TBX15: variants seen among roughly 807,000 people sequenced by gnomAD.
TBX15 encodes the protein T-box transcription factor TBX15.
TBX15 carries 18 observed loss-of-function variants against 53.9 expected under a neutral mutation model. The ratio of observed to expected loss-of-function variants is 0.33; its 90% CI spans 0.23 to 0.49. TBX15 has a LOEUF of 0.49. TBX15 is among the 20% of genes least tolerant of loss of function. TBX15 has a pLI of 0.98. For missense variants in TBX15, 692 were observed against 749.5 expected (o/e 0.92, Z 0.90); for synonymous variants, 295 against 278.0 (o/e 1.06, Z -0.61).
intron 6 of TBX15, among the ~76,000 whole-genome samples, chr1:118,909,887 CTCTT>C (rs1434792150): frequency 6.6e-6 from 1 of 152,186 alleles, no homozygotes; most frequent in East Asian, 1.9e-4. Context: ...TGCCAGATGT[CTCTT>C]TACATCAACA....
intron 5 of TBX15, among the ~76,000 whole-genome samples, chr1:118,916,270 A>G (rs1202095081): frequency 3.9e-5 from 6 of 152,222 alleles, no homozygotes; most frequent in African/African-American, 1.4e-4. Flanking sequence ...GCTTAGACGA[A>G]GTAGGAATTA....
At chr1:118,970,672 C>T (rs923398734) in intron 1 of TBX15, among the ~76,000 whole-genome samples, 7 of 152,222 alleles carry the variant, frequency 4.6e-5, no homozygotes, top group African/African-American at 1.4e-4. Context: ...AAGCACCTGG[C>T]ACTCTGTGGA....
At chr1:118,921,896 A>T (rs1655436075) in intron 5 of TBX15, among the ~76,000 whole-genome samples, 1 of 152,224 alleles carries the variant, frequency 6.6e-6, no homozygotes, top group Non-Finnish European at 1.5e-5. Flanking sequence ...AAGAATAAAA[A>T]CACAGTAAGA....
chr1:118,885,470 T>C lies in TBX15; in HGVS notation c.1071A>G (p.Pro357=), dbSNP rs1466245079. The C allele has an allele frequency of 1.9e-6, 3 of 1,606,396 alleles. No homozygotes were observed. The East Asian group carries it at 6.7e-5, about 36-fold the overall frequency. Residue 357 remains proline (P), a synonymous_variant, in exon 8 of 8, where the codon CCA becomes CCG. Transcript: ENST00000369429. The part of the protein sequence containing the change: ...TSPTTSSTGT[P]SPSASSHLLS... The stretch of plus-strand genomic sequence containing the variant: ...AAAGATGAGAAGAAGCCGAAGGGGA[T>C]GGTGTCCCAGTGCTGGAGGTGGTTG...
At chr1:118,906,225 C>G (rs1045966323) in intron 6 of TBX15, among the ~76,000 whole-genome samples, 1 of 152,082 alleles carries the variant, frequency 6.6e-6, no homozygotes, top group African/African-American at 2.4e-5. Flanking sequence ...CCTATAAATA[C>G]AGTAATTTTC....
chr1:118,939,222 C>A (rs1215091126), intron 1 of TBX15, among the ~76,000 whole-genome samples: 1 of 151,474 alleles, frequency 6.6e-6, no homozygotes, highest in Non-Finnish European at 1.5e-5. Context: ...GCCTGGGCAA[C>A]ATGGCAAAGC....
In TBX15 at chr1:118,987,932, G is replaced by A. The variant is rs932554782; in HGVS notation, c.-137C>T. 3.4e-4 allele frequency: 375 copies of A among 1,087,084 alleles called. No homozygotes were observed. In the African/African-American group the frequency reaches 5.3e-3, roughly 15 times the overall value. 67.3% of individuals were successfully genotyped at this position (1,087,084 alleles called of 1,614,324 possible). On this transcript the variant is annotated 5_prime_UTR_variant, in exon 1 of 8. Transcript: ENST00000369429. ...GGACGAGGCTGAGACTGCGGCTCGC[G>A]GGTCTCTCCACCCTCCCCCTGCGTC...
intron 3 of TBX15, 149 bp downstream of exon 3, chr1:118,926,361 C>G (rs1326517434): frequency 8.0e-6 from 6 of 750,678 alleles, no homozygotes; most frequent in African/African-American, 3.5e-5. Flanking sequence ...CTTTTTCCAC[C>G]TGGTGCTCTG....
At chr1:118,893,313 G>GGAAGGAAA (rs1488071535) in intron 7 of TBX15, among the ~76,000 whole-genome samples, 25 of 90,134 alleles carry the variant, frequency 2.8e-4, no homozygotes, top group African/African-American at 9.5e-4. Context: ...AAGGAAGGAA[G>GGAAGGAAA]GAAAGAAAGA....
intron 6 of TBX15, among the ~76,000 whole-genome samples, chr1:118,906,814 C>T (rs1008863484): frequency 6.6e-6 from 1 of 152,196 alleles, no homozygotes; most frequent in Non-Finnish European, 1.5e-5. Flanking sequence ...CCACCAGCCA[C>T]ATTCCCAGCA....
Position 118,883,788 on chromosome 1 carries a change from A to G in TBX15, c.*944T>C, listed in dbSNP as rs1653812119. The stretch of plus-strand genomic sequence containing the variant: ...CCTGACCATGCTCAGTGTGCCAGAG[A>G]GGTTTACTCCTCAGTAATGCCATGA... On this transcript the variant is annotated 3_prime_UTR_variant, in exon 8 of 8. Transcript: ENST00000369429. 1 of 134,770 alleles carries G rather than the reference A, an allele frequency of 7.4e-6. No individual in the cohort carries two copies. The highest frequency in any genetic ancestry group is 2.7e-4 in the South Asian group (1 of 3,698). 8.3% of individuals were successfully genotyped at this position (134,770 alleles called of 1,614,324 possible).
chr1:118,933,619 C>CTATA (rs1375859904), intron 1 of TBX15, among the ~76,000 whole-genome samples: 7 of 152,272 alleles, frequency 4.6e-5, no homozygotes, highest in South Asian at 4.1e-4. Context: ...AGTGACAAAT[C>CTATA]TATATCCTAG....
intron 1 of TBX15, among the ~76,000 whole-genome samples, chr1:118,956,838 C>G (rs1202504176): frequency 6.6e-6 from 1 of 151,874 alleles, no homozygotes; most frequent in East Asian, 1.9e-4. Context: ...TGGTGGGCGC[C>G]TGTAGTCCCA....
At chr1:118,953,667 G>T (rs775851124) in intron 1 of TBX15, among the ~76,000 whole-genome samples, 3 of 152,160 alleles carry the variant, frequency 2.0e-5, no homozygotes, top group Non-Finnish European at 4.4e-5. Flanking sequence ...TCCTAACCCA[G>T]TACCAACACT....
intron 1 of TBX15, among the ~76,000 whole-genome samples, chr1:118,951,718 T>G (rs1328441776): frequency 2.0e-5 from 3 of 152,162 alleles, no homozygotes; most frequent in Admixed American, 6.5e-5. Context: ...TGCTTCCTGC[T>G]CCTATATCTG....
Position 118,884,878 on chromosome 1 carries a change from TCTCTC to T in TBX15, c.1658_1662del (p.Gly553GlufsTer16). ...TCCATCCCTGACGGCAGGTACTGCC[TCTCTC>T]CAAAGGCCCCGTTGGAAGGAGAAGA... On this transcript the variant is annotated frameshift_variant, in exon 8 of 8. Transcript: ENST00000369429. LOFTEE classifies it high-confidence loss of function. 1 of 1,614,176 alleles carries T rather than the reference TCTCTC, an allele frequency of 6.2e-7. No individual in the cohort carries two copies. Among genetic ancestry groups the T allele is most frequent in the Non-Finnish European group, 8.5e-7 (1 of 1,180,020 alleles).
At chr1:118,967,252 A>G (rs1450200569) in intron 1 of TBX15, among the ~76,000 whole-genome samples, 1 of 152,202 alleles carries the variant, frequency 6.6e-6, no homozygotes, top group Non-Finnish European at 1.5e-5. Flanking sequence ...TCACGTGCAG[A>G]TTCACCAAAT....
chr1:118,945,515 A>G (rs902285883), intron 1 of TBX15, among the ~76,000 whole-genome samples: 1 of 152,126 alleles, frequency 6.6e-6, no homozygotes, highest in African/African-American at 2.4e-5. Context: ...CTTTTTCTCA[A>G]TTGACCCCAA....
At chr1:118,972,608 T>A (rs1657267054) in intron 1 of TBX15, among the ~76,000 whole-genome samples, 1 of 151,090 alleles carries the variant, frequency 6.6e-6, no homozygotes, top group Non-Finnish European at 1.5e-5. Context: ...CTTTCTTTTC[T>A]TTTTTTTTAG....
Sources: gnomAD v4.1 joint callset for allele counts (sites outside exome capture counted in the v4.1 genomes callset) on GRCh38, gnomAD v4.1.1 for gene constraint, MANE v1.5 for transcripts, NCBI Gene and HGNC (gene_info 2026-07-23, HGNC 2026-07-21) for gene names.